Variants in ABI2 observed in about 807,000 individuals in gnomAD.
ABI2 encodes abelson interactor 2.
ABI2 carries 25 observed loss-of-function variants against 59.2 expected under a neutral mutation model. The observed-to-expected ratio is 0.42, with a 90% CI of 0.31 to 0.59. The LOEUF is 0.59. ABI2 is among the 20% of genes least tolerant of loss of function. ABI2 has a pLI of 0.14. For missense variants in ABI2, 545 were observed against 681.8 expected (o/e 0.80, Z 2.23); for synonymous variants, 213 against 235.5 (o/e 0.90, Z 0.87).
chr2:203,424,617 T>C (rs1461079844), intron 11 of ABI2, among the ~76,000 whole-genome samples: 2 of 152,146 alleles, frequency 1.3e-5, no homozygotes, highest in Non-Finnish European at 2.9e-5. Flanking sequence ...CAGACCAGTC[T>C]TGAACTCATG....
intron 1 of ABI2, among the ~76,000 whole-genome samples, chr2:203,343,497 G>C (rs2081310626): frequency 6.6e-6 from 1 of 151,990 alleles, no homozygotes; most frequent in Non-Finnish European, 1.5e-5. Context: ...AGAATTTCTA[G>C]GACTATTTAT....
At chr2:203,368,577 C>T (rs1294703075) in intron 2 of ABI2, among the ~76,000 whole-genome samples, 1 of 152,030 alleles carries the variant, frequency 6.6e-6, no homozygotes, top group Admixed American at 6.6e-5. Flanking sequence ...GAAAATTTGT[C>T]AGACCAATTT....
intron 2 of ABI2, among the ~76,000 whole-genome samples, chr2:203,376,372 T>C (rs1055526140): frequency 6.6e-6 from 1 of 152,218 alleles, no homozygotes; most frequent in African/African-American, 2.4e-5. Flanking sequence ...AGTGCCACTG[T>C]TGAGTTACCC....
intron 1 of ABI2, among the ~76,000 whole-genome samples, chr2:203,331,538 T>C (rs1440906454): frequency 6.6e-6 from 1 of 151,820 alleles, no homozygotes; most frequent in Non-Finnish European, 1.5e-5. Context: ...TTTGTATTTT[T>C]AGTAGAGACG....
At chr2:203,405,671 T>G (rs948872462) in intron 9 of ABI2, among the ~76,000 whole-genome samples, 1 of 152,248 alleles carries the variant, frequency 6.6e-6, no homozygotes, top group Non-Finnish European at 1.5e-5. Context: ...ATTCTCTGAT[T>G]TAACAAAAAT....
chr2:203,350,978 G>GT (rs563455229), intron 1 of ABI2, among the ~76,000 whole-genome samples: 1 of 151,836 alleles, frequency 6.6e-6, no homozygotes, highest in Admixed American at 6.6e-5. Flanking sequence ...GAGTTTTATA[G>GT]TTTTAGCTCT....
chr2:203,385,136 A>ATTTTTTTTTTTTTTTTTTTTTT (rs1231169110), intron 4 of ABI2, among the ~76,000 whole-genome samples: 8 of 26,236 alleles, frequency 3.0e-4, no homozygotes, highest in Non-Finnish European at 5.6e-4. Flanking sequence ...CCCGGCTCAG[A>ATTTTTTTTTTTTTTTTTTTTTT]TTCTTTTTTT....
In ABI2 at chr2:203,328,464, C is replaced by T. The variant is rs1367694547; in HGVS notation, c.-51C>T. 5 of 1,458,738 alleles carry T rather than the reference C, an allele frequency of 3.4e-6. No homozygotes were observed. In the Admixed American group the frequency reaches 6.0e-5, roughly 17 times the overall value. 90.4% of individuals were successfully genotyped at this position (1,458,738 alleles called of 1,614,324 possible). A position where few individuals can be genotyped will look rare whatever the true frequency, so the allele number is the denominator to read the frequency against. On this transcript the variant is annotated 5_prime_UTR_variant, in exon 1 of 12. Coordinates refer to ENST00000261018, the MANE Select transcript of ABI2 (RefSeq NM_001375670.1). ...TCCTGGGTTTCCTTGGCGCTGCGGC[C>T]GCCGCTCCCTCTGCGACCTGTATGA...
intron 11 of ABI2, among the ~76,000 whole-genome samples, chr2:203,422,041 TG>T (rs2098237576): frequency 6.6e-6 from 1 of 151,420 alleles, no homozygotes; most frequent in Non-Finnish European, 1.5e-5. Context: ...CTTAAAGTGC[TG>T]TAAAGCACTT....
intron 2 of ABI2, among the ~76,000 whole-genome samples, chr2:203,376,877 G>C (rs2095739251): frequency 1.3e-5 from 2 of 151,704 alleles, no homozygotes; most frequent in African/African-American, 4.8e-5. Flanking sequence ...CAAATGAACA[G>C]ATTTCTAATT....
intron 2 of ABI2, among the ~76,000 whole-genome samples, chr2:203,377,237 C>CT (rs1391781766): frequency 1.3e-5 from 2 of 152,176 alleles, no homozygotes; most frequent in African/African-American, 2.4e-5. Context: ...ATGCTTGAGC[C>CT]TAGGAGTTCA....
rs2098447064 is a variant in ABI2, at chr2:203,427,231, A to G, written c.1508A>G (p.Glu503Gly). ...AAGGAAGATGAGCTGTCCTTTCAGG[A>G]AGGAGCCATTATTTATGTCATCAAG... is the stretch of plus-strand genomic sequence containing the variant. ...KDKEDELSFQ[E>G]GAIIYVIKKN... The change falls in exon 12 of 12, where the codon GAA becomes GGA. Residue 503 changes from glutamate to glycine, a missense_variant. Coordinates refer to ENST00000261018, the MANE Select transcript of ABI2 (RefSeq NM_001375670.1). 1 of 1,613,946 alleles carries G rather than the reference A, an allele frequency of 6.2e-7. No individual in the cohort carries two copies. The highest frequency in any genetic ancestry group is 8.5e-7 in the Non-Finnish European group (1 of 1,180,014).
intron 1 of ABI2, among the ~76,000 whole-genome samples, chr2:203,347,721 A>G (rs1220783264): frequency 6.6e-6 from 1 of 152,210 alleles, no homozygotes; most frequent in Non-Finnish European, 1.5e-5. Context: ...ACGACACATA[A>G]CTTATGACAC....
chr2:203,405,916 C>T (rs1381033947), intron 9 of ABI2, among the ~76,000 whole-genome samples: 2 of 152,150 alleles, frequency 1.3e-5, no homozygotes, highest in African/African-American at 2.4e-5. Context: ...AAATATGGAA[C>T]ACCCAGTGTC....
chr2:203,364,336 T>G (rs770671214), intron 1 of ABI2, among the ~76,000 whole-genome samples: 1 of 148,382 alleles, frequency 6.7e-6, no homozygotes, highest in Non-Finnish European at 1.5e-5. Flanking sequence ...TCAAATGATC[T>G]GCCCGCCTCA....
chr2:203,370,165 A>G lies in ABI2; in HGVS notation c.285+3121A>G, dbSNP rs17509508. On this transcript the variant is annotated intron_variant, in intron 2 of 11. Coordinates refer to ENST00000261018, the MANE Select transcript of ABI2 (RefSeq NM_001375670.1). ...ATAACTATTTTAGGTTTTGTGGGCT[A>G]CGTATGGTGTCATTCTCCTATTCTC... 1.4e-3 allele frequency among the ~76,000 whole-genome samples: 204 copies of G among 148,202 alleles called. 3 individuals are homozygous for G. The East Asian group carries it at 0.037, about 27-fold the overall frequency.
chr2:203,381,878 G>GT (rs1191223620), intron 3 of ABI2, among the ~76,000 whole-genome samples: 1 of 152,048 alleles, frequency 6.6e-6, no homozygotes, highest in African/African-American at 2.4e-5. Context: ...AAAGTAAAAT[G>GT]TTTTTCTTTC....
intron 11 of ABI2, among the ~76,000 whole-genome samples, chr2:203,421,760 A>G (rs1355547916): frequency 1.3e-5 from 2 of 151,996 alleles, no homozygotes; most frequent in Non-Finnish European, 2.9e-5. Flanking sequence ...AGGTCAAGAG[A>G]TCAAGACCAT....
At chr2:203,396,223 TCTG>T (rs2096976385) in intron 7 of ABI2, among the ~76,000 whole-genome samples, 1 of 152,176 alleles carries the variant, frequency 6.6e-6, no homozygotes, top group African/African-American at 2.4e-5. Context: ...AACAGAAAAA[TCTG>T]CTTATTTGAT....
Sources: allele counts gnomAD v4.1 joint callset (sites outside exome capture counted in the v4.1 genomes callset), GRCh38; gene constraint gnomAD v4.1.1; transcripts MANE v1.5; gene names NCBI Gene and HGNC (gene_info 2026-07-23, HGNC 2026-07-21).